Variants in MAF observed in about 807,000 individuals in gnomAD.
MAF encodes MAF bZIP transcription factor.
MAF carries 10 observed loss-of-function variants against 22.0 expected under a neutral mutation model. The observed-to-expected ratio is 0.45, with a 90% confidence interval of 0.28 to 0.77. MAF has a LOEUF of 0.77. Among genes scored for constraint, MAF ranks in the 30% least tolerant of loss-of-function variants. The probability of loss-of-function intolerance (pLI) is 0.12; values close to 1 mark genes in which losing one functional copy is unlikely to be tolerated. For synonymous variants in MAF, 337 were observed against 255.8 expected, an observed-to-expected ratio of 1.32 and a Z score of -3.03; for missense variants, 544 against 548.4, an observed-to-expected ratio of 0.99 and a Z score of 0.08.
At chr16:79,228,213 T>C in the MAF span, among the ~76,000 whole-genome samples, 1 of 152,046 alleles carries the variant, frequency 6.6e-6, no homozygotes, top group Non-Finnish European at 1.5e-5. Flanking sequence ...GCCACATTAT[T>C]TTTGAACTTT....
At chr16:79,250,819 G>A in the MAF span, among the ~76,000 whole-genome samples, 1 of 152,144 alleles carries the variant, frequency 6.6e-6, no homozygotes, top group Non-Finnish European at 1.5e-5. Flanking sequence ...TTACTAGGGG[G>A]ATCAACCATC....
the MAF span, among the ~76,000 whole-genome samples, chr16:79,245,166 T>A: frequency 6.6e-6 from 1 of 151,964 alleles, no homozygotes; most frequent in Non-Finnish European, 1.5e-5. Context: ...GGCGAAGACT[T>A]CATGATTAAA....
chr16:79,495,030 T>C, the MAF span, among the ~76,000 whole-genome samples: 3 of 152,298 alleles, frequency 2.0e-5, no homozygotes, highest in African/African-American at 7.2e-5. Context: ...CATTTTCCTC[T>C]CCAGGCGTGT....
chr16:79,504,729 A>G, the MAF span, among the ~76,000 whole-genome samples: 3 of 152,192 alleles, frequency 2.0e-5, no homozygotes. Context: ...TGGATATAAA[A>G]TGAAACTATG....
the MAF span, among the ~76,000 whole-genome samples, chr16:79,496,213 T>C: frequency 1.3e-5 from 2 of 152,104 alleles, no homozygotes; most frequent in Non-Finnish European, 2.9e-5. Flanking sequence ...TGGAAATAAG[T>C]CTTAACTTTA....
the MAF span, among the ~76,000 whole-genome samples, chr16:79,248,510 C>G: frequency 6.6e-6 from 1 of 152,166 alleles, no homozygotes; most frequent in Non-Finnish European, 1.5e-5. Context: ...GAATTTAATT[C>G]CCTCTGCAGA....
At chr16:79,471,817 A>G in the MAF span, among the ~76,000 whole-genome samples, 12 of 152,180 alleles carry the variant, frequency 7.9e-5, no homozygotes, top group Non-Finnish European at 1.6e-4. Context: ...TTCTTTATTG[A>G]TCTGTATTAT....
At chr16:79,333,912 G>T in the MAF span, among the ~76,000 whole-genome samples, 1 of 152,170 alleles carries the variant, frequency 6.6e-6, no homozygotes, top group South Asian at 2.1e-4. Flanking sequence ...AAACCTATCT[G>T]ATGCCGGATC....
the MAF span, among the ~76,000 whole-genome samples, chr16:79,574,105 C>T: frequency 6.6e-6 from 1 of 152,182 alleles, no homozygotes; most frequent in African/African-American, 2.4e-5. Flanking sequence ...AGTTTAGCGT[C>T]CAAGAGGAGA....
the MAF span, among the ~76,000 whole-genome samples, chr16:79,262,183 G>A: frequency 6.6e-6 from 1 of 152,154 alleles, no homozygotes; most frequent in Non-Finnish European, 1.5e-5. Context: ...TGTGCAGGAT[G>A]GGTAGTTTTT....
the MAF span, among the ~76,000 whole-genome samples, chr16:79,239,785 T>C: frequency 0.072 from 10,989 of 152,138 alleles, 589 homozygotes; most frequent in Middle Eastern, 0.15. Flanking sequence ...GTAGCTGCTC[T>C]CAAAATATCT....
the MAF span, among the ~76,000 whole-genome samples, chr16:79,478,889 G>C: frequency 6.6e-6 from 1 of 151,490 alleles, no homozygotes; most frequent in Non-Finnish European, 1.5e-5. Flanking sequence ...TAGTGCATCT[G>C]TGCACCACTC....
chr16:79,342,337 G>A, the MAF span, among the ~76,000 whole-genome samples: 4 of 152,336 alleles, frequency 2.6e-5, no homozygotes, highest in South Asian at 8.3e-4. Context: ...ACATCCAGGT[G>A]TGTCTTCACA....
the MAF span, among the ~76,000 whole-genome samples, chr16:79,245,843 G>C: frequency 6.6e-6 from 1 of 152,072 alleles, no homozygotes; most frequent in Non-Finnish European, 1.5e-5. Flanking sequence ...TAAAGAAAAT[G>C]TGGCACATAC....
the MAF span, among the ~76,000 whole-genome samples, chr16:79,547,260 C>T: frequency 1.3e-5 from 2 of 151,992 alleles, no homozygotes; most frequent in Admixed American, 1.3e-4. Context: ...TATACCCATA[C>T]ACACTACTGT....
chr16:79,412,228 C>T, the MAF span, among the ~76,000 whole-genome samples: 6 of 152,254 alleles, frequency 3.9e-5, no homozygotes, highest in African/African-American at 9.6e-5. Flanking sequence ...GTCAAGAGCA[C>T]AAGTTCACAA....
chr16:79,300,511 G>A, the MAF span, among the ~76,000 whole-genome samples: 4 of 151,740 alleles, frequency 2.6e-5, no homozygotes, highest in Admixed American at 2.0e-4. Context: ...GTGGAGATCC[G>A]GCCACTGCAC....
chr16:79,517,104 G>C, the MAF span, among the ~76,000 whole-genome samples: 12 of 152,210 alleles, frequency 7.9e-5, no homozygotes, highest in African/African-American at 1.9e-4. Flanking sequence ...GCATCAGCTG[G>C]TACCAGCCAG....
chr16:79,567,380 C>T, the MAF span, among the ~76,000 whole-genome samples: 2 of 152,084 alleles, frequency 1.3e-5, no homozygotes, highest in Admixed American at 6.6e-5. Context: ...GTTTTGATTA[C>T]TACCTTAGTT....
Sources: gnomAD v4.1 joint callset for allele counts (sites outside exome capture counted in the v4.1 genomes callset) on GRCh38, gnomAD v4.1.1 for gene constraint, MANE v1.5 for transcripts, NCBI Gene and HGNC (gene_info 2026-07-23, HGNC 2026-07-21) for gene names.